The following CLVS1 variants were observed in gnomAD, a reference collection of about 807,000 sequenced individuals.
CLVS1 encodes the protein clavesin-1.
In CLVS1, 10 loss-of-function variants were observed where a neutral mutation model predicts 33.1. The ratio of observed to expected loss-of-function variants is 0.30; its 90% CI spans 0.19 to 0.51. The LOEUF is 0.51. Among genes scored for constraint, CLVS1 ranks in the 20% least tolerant of loss-of-function variants. The pLI, the probability that CLVS1 is intolerant of heterozygous loss-of-function variation, is 0.97. For synonymous variants in CLVS1, 163 were observed against 166.1 expected, an observed-to-expected ratio of 0.98 and a Z score of 0.14; for missense variants, 343 against 433.4, an observed-to-expected ratio of 0.79 and a Z score of 1.85.
chr8:61,242,911 G>A (rs761479515), intron 2 of CLVS1, among the ~76,000 whole-genome samples: 6 of 150,220 alleles, frequency 4.0e-5, no homozygotes, highest in Non-Finnish European at 7.5e-5. Flanking sequence ...TAGTAATAAT[G>A]GGTGCATTAA....
intron 2 of CLVS1, among the ~76,000 whole-genome samples, chr8:61,195,843 T>C (rs1481905687): frequency 1.3e-5 from 2 of 152,034 alleles, no homozygotes; most frequent in Non-Finnish European, 1.5e-5. Flanking sequence ...GCCACAGTAA[T>C]AAAAAGTAAA....
chr8:61,232,034 T>TGTTTG lies in CLVS1; in HGVS notation c.-151-67643_-151-67642insGTTTG, dbSNP rs1259004204. Among the ~76,000 whole-genome samples, 22 of 133,078 alleles carry TGTTTG rather than the reference T, an allele frequency of 1.7e-4. 1 individual carries two copies. Among genetic ancestry groups the TGTTTG allele is most frequent in the African/African-American group, 4.5e-4 (14 of 30,882 alleles). 87.3% of individuals were successfully genotyped at this position (133,078 alleles called of 152,430 possible). On this transcript the variant is annotated intron_variant, in intron 2 of 2. Coordinates refer to the CLVS1 transcript ENST00000522621. ...TGAGGAAAGTTGTGGTTTTTTTTTT[T>TGTTTG]TTTTTTTTTTTTTTTTGTGAGATGG...
chr8:61,044,863 C>T, the CLVS1 span, among the ~76,000 whole-genome samples: 1 of 152,248 alleles, frequency 6.6e-6, no homozygotes, highest in Middle Eastern at 3.4e-3. Flanking sequence ...AAAAGAGGAA[C>T]AAAAAATTTT....
intron 2 of CLVS1, among the ~76,000 whole-genome samples, chr8:61,316,502 G>C (rs1318696554): frequency 1.3e-5 from 2 of 152,148 alleles, no homozygotes; most frequent in African/African-American, 2.4e-5. Flanking sequence ...ATCCTATTGG[G>C]ATAGTATTAC....
intron 1 of CLVS1, among the ~76,000 whole-genome samples, chr8:61,118,076 C>G (rs1805770381): frequency 6.6e-6 from 1 of 152,042 alleles, no homozygotes; most frequent in Non-Finnish European, 1.5e-5. Context: ...TTCAGAGATT[C>G]AACTTCTTCC....
intron 1 of CLVS1, among the ~76,000 whole-genome samples, chr8:61,124,730 C>T (rs1290085401): frequency 6.6e-6 from 1 of 152,166 alleles, no homozygotes; most frequent in Non-Finnish European, 1.5e-5. Context: ...TTGTGAATGT[C>T]TCCTAGATGT....
chr8:61,459,386 G>T (rs1563562709), intron 5 of CLVS1, among the ~76,000 whole-genome samples: 1 of 152,028 alleles, frequency 6.6e-6, no homozygotes, highest in African/African-American at 2.4e-5. Context: ...TGGGGTACAG[G>T]TGGTATTCAG....
At chr8:61,483,479 C>T (rs1345555828) in intron 5 of CLVS1, among the ~76,000 whole-genome samples, 2 of 152,160 alleles carry the variant, frequency 1.3e-5, no homozygotes, top group Non-Finnish European at 2.9e-5. Context: ...AAGTCCAGGA[C>T]CAGACGGATT....
At chr8:60,997,666 T>G in the CLVS1 span, among the ~76,000 whole-genome samples, 1 of 152,160 alleles carries the variant, frequency 6.6e-6, no homozygotes, top group African/African-American at 2.4e-5. Flanking sequence ...GGGAAGGGAA[T>G]GGCTTCCTGT....
chr8:61,440,160 A>T (rs114862414), intron 3 of CLVS1, among the ~76,000 whole-genome samples: 1,617 of 152,334 alleles, frequency 0.011, 17 homozygotes, highest in Non-Finnish European at 0.017. Flanking sequence ...TGTGTCTTGT[A>T]TATTGCTGCA....
chr8:61,430,196 A>G (rs569266042), intron 3 of CLVS1, among the ~76,000 whole-genome samples: 54 of 152,328 alleles, frequency 3.5e-4, no homozygotes, highest in African/African-American at 1.3e-3. Context: ...TGCAAAGTCT[A>G]TATACCTATC....
rs768010044 is a variant in CLVS1, at chr8:61,300,197, G to A, written c.370G>A (p.Asp124Asn). The change falls in exon 2 of 6, where the codon GAT (aspartate) becomes AAT (asparagine). Residue 124 changes from aspartate (D) to asparagine (N), a missense_variant. By Grantham distance (23) the Asp-to-Asn change is conservative. Transcript: ENST00000325897. Reference sequence around the variant, plus strand: ...TCCCGGCATTAAGAGGGCTCTGATCGATGGGTTCCCCGGGGTGCTGGAAAA... The same window carrying A: ...TCCCGGCATTAAGAGGGCTCTGATCAATGGGTTCCCCGGGGTGCTGGAAAA... ...DDPGIKRALI[D>N]GFPGVLENRD... The A allele has an allele frequency of 3.1e-6, 5 of 1,613,992 alleles. No homozygotes were observed. Among genetic ancestry groups the A allele is most frequent in the Non-Finnish European group, 2.5e-6 (3 of 1,179,958 alleles).
At chr8:61,030,550 G>A in the CLVS1 span, among the ~76,000 whole-genome samples, 1 of 152,160 alleles carries the variant, frequency 6.6e-6, no homozygotes, top group Non-Finnish European at 1.5e-5. Context: ...ACTGGGCAAA[G>A]CTCAGTCTCC....
At chr8:61,386,091 G>A (rs1232295976) in intron 3 of CLVS1, among the ~76,000 whole-genome samples, 2 of 152,178 alleles carry the variant, frequency 1.3e-5, no homozygotes, top group Non-Finnish European at 2.9e-5. Flanking sequence ...GACACCTGGA[G>A]ACCTGAGATT....
At chr8:60,969,006 G>A in the CLVS1 span, among the ~76,000 whole-genome samples, 4 of 151,830 alleles carry the variant, frequency 2.6e-5, no homozygotes, top group Non-Finnish European at 5.9e-5. Flanking sequence ...GAACAAACAT[G>A]TATATTACAT....
the CLVS1 span, among the ~76,000 whole-genome samples, chr8:60,980,342 T>C: frequency 2.0e-5 from 3 of 152,242 alleles, no homozygotes; most frequent in Non-Finnish European, 4.4e-5. Flanking sequence ...TCTTGTCACA[T>C]CTTTGAAAGC....
intron 2 of CLVS1, among the ~76,000 whole-genome samples, chr8:61,206,590 C>CT (rs10535294): frequency 0.015 from 2,117 of 139,050 alleles, 51 homozygotes; most frequent in African/African-American, 0.043. Context: ...TTTTTTCTTT[C>CT]TTTTTTTTTT....
At chr8:61,262,092 T>C (rs1379787576) in intron 2 of CLVS1, among the ~76,000 whole-genome samples, 1 of 151,902 alleles carries the variant, frequency 6.6e-6, no homozygotes, top group Non-Finnish European at 1.5e-5. Flanking sequence ...CATAGCTCAC[T>C]GCAGCCTTAA....
intron 2 of CLVS1, among the ~76,000 whole-genome samples, chr8:61,152,266 A>G (rs539422101): frequency 2.5e-4 from 38 of 152,320 alleles, no homozygotes; most frequent in African/African-American, 8.9e-4. Flanking sequence ...GAGGGAGAGC[A>G]CAAGATTGCT....
Sources: allele counts gnomAD v4.1 joint callset (sites outside exome capture counted in the v4.1 genomes callset), GRCh38; gene constraint gnomAD v4.1.1; transcripts MANE v1.5; gene names NCBI Gene and HGNC (gene_info 2026-07-23, HGNC 2026-07-21).